DRC1: variants seen among roughly 807,000 people sequenced by gnomAD.
DRC1 encodes dynein regulatory complex subunit 1, also known as dynein regulatory complex protein 1.
Under a neutral mutation model 98.7 loss-of-function variants are expected in DRC1, and 74 were observed. The observed-to-expected ratio is 0.75, with a 90% CI of 0.62 to 0.91. The LOEUF is 0.91. Ranked by LOEUF, DRC1 falls within the 40% of genes least tolerant of loss-of-function variation. The pLI is 0.00. For synonymous variants in DRC1, 336 were observed against 334.1 expected, an observed-to-expected ratio of 1.01 and a Z score of -0.06; for missense variants, 875 against 886.0, an observed-to-expected ratio of 0.99 and a Z score of 0.16.
intron 10 of DRC1, 65 bp downstream of exon 10, chr2:26,445,013 C>T (rs1410901213): frequency 1.3e-6 from 2 of 1,529,484 alleles, no homozygotes; most frequent in East Asian, 4.6e-5. Flanking sequence ...CGGGTCAAGC[C>T]AGTCACGTTA....
At chr2:26,445,035 G>T in intron 10 of DRC1, 87 bp downstream of exon 10, 1 of 1,332,956 alleles carries the variant, frequency 7.5e-7, no homozygotes, top group African/African-American at 1.5e-5. Flanking sequence ...AGATAGTCTA[G>T]GGAGGAGGGG....
intron 1 of DRC1, among the ~76,000 whole-genome samples, chr2:26,404,655 T>G (rs11126464): frequency 0.95 from 144,914 of 152,304 alleles, 69,002 homozygotes; most frequent in South Asian, 0.98. Context: ...TGGCAATATT[T>G]TTTTTTGTGT....
chr2:26,430,930 C>T, intron 6 of DRC1, 58 bp downstream of exon 6: 2 of 1,144,070 alleles, frequency 1.7e-6, no homozygotes, highest in South Asian at 1.5e-5. Context: ...TTTATTGTGA[C>T]TGAATTTGCT....
chr2:26,415,876 G>C (rs962024248), intron 2 of DRC1, among the ~76,000 whole-genome samples: 5 of 146,866 alleles, frequency 3.4e-5, no homozygotes, highest in Non-Finnish European at 7.4e-5. Flanking sequence ...AGGTTGCAGT[G>C]ATCTGAGATC....
At chr2:26,430,464 A>C in intron 5 of DRC1, 1 of 495,840 alleles carries the variant, frequency 2.0e-6, no homozygotes. Flanking sequence ...GTCACAGTTG[A>C]ATTACACACC....
intron 1 of DRC1, among the ~76,000 whole-genome samples, chr2:26,406,588 G>C (rs1384449813): frequency 6.6e-6 from 1 of 152,056 alleles, no homozygotes; most frequent in Non-Finnish European, 1.5e-5. Flanking sequence ...GCACACTCCT[G>C]TAATCCCAGC....
At chr2:26,455,894 T>A (rs1232577176) in intron 16 of DRC1, among the ~76,000 whole-genome samples, 1 of 152,108 alleles carries the variant, frequency 6.6e-6, no homozygotes, top group Non-Finnish European at 1.5e-5. Flanking sequence ...CACCTGCAGC[T>A]GGGGCTGTAG....
At chr2:26,406,388 G>A (rs1398030656) in intron 1 of DRC1, among the ~76,000 whole-genome samples, 3 of 152,140 alleles carry the variant, frequency 2.0e-5, no homozygotes, top group Non-Finnish European at 4.4e-5. Flanking sequence ...GTAATGTTAA[G>A]GTGAAAGTTA....
chr2:26,438,100 A>T (rs1307920619), intron 7 of DRC1, among the ~76,000 whole-genome samples: 1 of 151,436 alleles, frequency 6.6e-6, no homozygotes, highest in Admixed American at 6.6e-5. Context: ...AAAAAAAAAA[A>T]AAAAAAAAAA....
chr2:26,456,616 C>G lies in DRC1; in HGVS notation c.*99C>G. 3 of 1,439,908 alleles carry G rather than the reference C, an allele frequency of 2.1e-6. No homozygotes were observed. In the East Asian group the frequency reaches 6.9e-5, roughly 33 times the overall value. 89.2% of individuals were successfully genotyped at this position (1,439,908 alleles called of 1,614,324 possible). ...CCACTGGGCCGCACCTGGGCCTGCTCTCTGGATTTTCCAGGGCTGTCTTTA... is the reference window on the plus strand; with the variant it reads ...CCACTGGGCCGCACCTGGGCCTGCTGTCTGGATTTTCCAGGGCTGTCTTTA... On this transcript the variant is annotated 3_prime_UTR_variant, in exon 17 of 17. Coordinates refer to ENST00000288710, the MANE Select transcript of DRC1 (RefSeq NM_145038.5).
chr2:26,433,731 AGTG>A (rs1042923280), intron 7 of DRC1, among the ~76,000 whole-genome samples: 2 of 152,118 alleles, frequency 1.3e-5, no homozygotes, highest in Non-Finnish European at 2.9e-5. Flanking sequence ...AGATCAGAGA[AGTG>A]GTGGGCAGGG....
Position 26,419,358 on chromosome 2 carries a change from A to G in DRC1, c.244-1930A>G, listed in dbSNP as rs374796017. Among the ~76,000 whole-genome samples, 3 of 152,330 alleles carry G rather than the reference A, an allele frequency of 2.0e-5. No homozygotes were observed. In the East Asian group the frequency reaches 5.8e-4, roughly 29 times the overall value. On this transcript the variant is annotated intron_variant, in intron 2 of 16. Transcript: ENST00000288710. ...TTTAATTTTACTTTGAGTCTTAAAT[A>G]CTTGATTCAGAAATTTCTGGAACTC...
chr2:26,431,097 A>G (rs1663425452), intron 6 of DRC1, among the ~76,000 whole-genome samples: 1 of 150,762 alleles, frequency 6.6e-6, no homozygotes, highest in African/African-American at 2.4e-5. Flanking sequence ...AATAGCTGGG[A>G]TTACAGGCAC....
rs752882510 is a variant in DRC1 at position 26,402,093 on chromosome 2, G to T, written c.104G>T (p.Arg35Leu). ...GTCCACTCCGACAACTCTCAGGAGC[G>T]CATCCAGGCCCGGCGCCTCCGCATC... ...PSVHSDNSQE[R>L]IQARRLRIAA... is the part of the protein sequence containing the mutation. Residue 35 changes from arginine to leucine, a missense_variant, in exon 1 of 17, where the codon CGC (arginine) becomes CTC (leucine). Transcript: ENST00000288710. 4 of 1,612,468 alleles carry T rather than the reference G, an allele frequency of 2.5e-6. No homozygotes were observed. Among genetic ancestry groups the T allele is most frequent in the African/African-American group, 1.3e-5 (1 of 74,844 alleles).
chr2:26,430,903 G>A (rs369325024), intron 6 of DRC1, 31 bp downstream of exon 6: 90 of 1,592,844 alleles, frequency 5.7e-5, no homozygotes, highest in Non-Finnish European at 6.9e-5. Context: ...AGAGTGATCC[G>A]TGGGGTCTGG....
chr2:26,453,145 C>G (rs1469313055), intron 13 of DRC1, among the ~76,000 whole-genome samples, 175 bp from the exon 14 acceptor site: 2 of 152,158 alleles, frequency 1.3e-5, no homozygotes, highest in Non-Finnish European at 2.9e-5. Flanking sequence ...AGTGCCTCTC[C>G]CCATCCCATC....
chr2:26,438,147 T>C (rs77274526), intron 7 of DRC1, among the ~76,000 whole-genome samples: 116 of 151,442 alleles, frequency 7.7e-4, no homozygotes, highest in Non-Finnish European at 1.3e-3. Context: ...TAATAAAACT[T>C]TACTAACATG....
At chr2:26,445,716 T>G (rs1336819182) in intron 10 of DRC1, among the ~76,000 whole-genome samples, 1 of 152,166 alleles carries the variant, frequency 6.6e-6, no homozygotes, top group Non-Finnish European at 1.5e-5. Flanking sequence ...TGGATTGCAG[T>G]GGCGCGATCT....
chr2:26,452,793 A>G (rs941384803), intron 13 of DRC1, among the ~76,000 whole-genome samples: 1 of 152,234 alleles, frequency 6.6e-6, no homozygotes, highest in African/African-American at 2.4e-5. Context: ...ACAGAACTCT[A>G]TTTGTAGTAT....
Sources: gnomAD v4.1 joint callset for allele counts (sites outside exome capture counted in the v4.1 genomes callset) on GRCh38, gnomAD v4.1.1 for gene constraint, MANE v1.5 for transcripts, NCBI Gene and HGNC (gene_info 2026-07-23, HGNC 2026-07-21) for gene names.